Variants in KPNA7 observed in about 807,000 individuals in gnomAD.
KPNA7 encodes the protein karyopherin subunit alpha 7.
In KPNA7, 54 loss-of-function variants were observed where a neutral mutation model predicts 53.7. The observed-to-expected ratio is 1.01, with a 90% CI of 0.81 to 1.26. KPNA7 has a LOEUF of 1.26. Ranked by LOEUF, KPNA7 falls within the 50% of genes most tolerant of loss-of-function variation. KPNA7 has a pLI of 0.00. For synonymous variants in KPNA7, 276 were observed against 259.3 expected, an observed-to-expected ratio of 1.06 and a Z score of -0.62; for missense variants, 640 against 644.5, an observed-to-expected ratio of 0.99 and a Z score of 0.07.
chr7:99,169,807 G>A (rs540461211), downstream of KPNA7, among the ~76,000 whole-genome samples: 5 of 152,094 alleles, frequency 3.3e-5, no homozygotes, highest in East Asian at 3.9e-4. Context: ...TTGGGAGGCC[G>A]AGGTGGGCGG....
the KPNA7 span, among the ~76,000 whole-genome samples, chr7:99,168,407 C>G: frequency 6.6e-6 from 1 of 152,176 alleles, no homozygotes; most frequent in African/African-American, 2.4e-5. Context: ...GCAAAACCCC[C>G]CTCCCCTCCC....
chr7:99,179,968 C>T (rs910762727), intron 9 of KPNA7, among the ~76,000 whole-genome samples: 1 of 152,168 alleles, frequency 6.6e-6, no homozygotes, highest in Non-Finnish European at 1.5e-5. Context: ...TGCTCAAACC[C>T]TGTGTAGTTC....
chr7:99,206,270 C>T (rs1220379726), intron 2 of KPNA7, among the ~76,000 whole-genome samples: 4 of 152,114 alleles, frequency 2.6e-5, no homozygotes, highest in Non-Finnish European at 4.4e-5. Context: ...AAGCAGTTCT[C>T]CTGCTTCAGC....
At chr7:99,207,718 C>G (rs1215737442) in intron 1 of KPNA7, among the ~76,000 whole-genome samples, 3 of 147,564 alleles carry the variant, frequency 2.0e-5, no homozygotes, top group African/African-American at 5.1e-5. Flanking sequence ...TCACTGCAAC[C>G]TCCGCCTCCC....
the KPNA7 span, among the ~76,000 whole-genome samples, chr7:99,159,447 C>G: frequency 6.7e-6 from 1 of 150,276 alleles, no homozygotes; most frequent in Non-Finnish European, 1.5e-5. Context: ...GGGGATGTAA[C>G]AGCTTTTTGT....
chr7:99,160,278 G>A, the KPNA7 span, among the ~76,000 whole-genome samples: 191 of 152,000 alleles, frequency 1.3e-3, 1 homozygote, highest in Middle Eastern at 3.4e-3. Flanking sequence ...CGCCCGCCTC[G>A]GCCTCCCAAA....
intron 10 of KPNA7, among the ~76,000 whole-genome samples, chr7:99,176,700 C>T (rs999617488): frequency 6.6e-6 from 1 of 151,704 alleles, no homozygotes; most frequent in Non-Finnish European, 1.5e-5. Flanking sequence ...CATGGTGAAA[C>T]CCCATCTCTA....
Position 99,185,138 on chromosome 7 carries a change from T to TC in KPNA7, c.924dup (p.Asn309GlufsTer8). ...TGCTCATCTGTGCCCGTGACAATGT[T>TC]CCCCACGGTGCGGAGAGAAGGAGTC... On this transcript the variant is annotated frameshift_variant, in exon 8 of 11. Coordinates refer to ENST00000327442, the MANE Select transcript of KPNA7 (RefSeq NM_001145715.3). LOFTEE classifies it high-confidence loss of function. 6.4e-7 allele frequency: 1 copy of TC among 1,552,024 alleles called. No homozygotes were observed.
upstream of KPNA7, among the ~76,000 whole-genome samples, chr7:99,212,829 T>G (rs1791111391): frequency 6.6e-6 from 1 of 152,032 alleles, no homozygotes; most frequent in Non-Finnish European, 1.5e-5. Flanking sequence ...AAATCAAGGC[T>G]GCAGTGAGCC....
In KPNA7 at chr7:99,181,797, AC is replaced by A; in HGVS notation, c.1317+85del. ...TCCACCTGTCTCAGCCTCCCAAAGT[AC>A]AACTTGAATTTTAAGAGCCACATTA... is the stretch of plus-strand genomic sequence containing the variant. On this transcript the variant is annotated intron_variant, in intron 9 of 10. Transcript: ENST00000327442. 4.1e-6 allele frequency: 5 copies of A among 1,213,926 alleles called. 1 individual carries two copies. In the South Asian group the frequency reaches 9.2e-5, roughly 22 times the overall value. The allele number at this position is 1,213,926 out of a possible 1,614,324, so 75.2% of individuals were successfully genotyped here. A position where few individuals can be genotyped will look rare whatever the true frequency, so the allele number is the denominator to read the frequency against.
chr7:99,193,123 A>G, intron 5 of KPNA7, 22 bp from the exon 6 acceptor site: 3 of 1,390,228 alleles, frequency 2.2e-6, no homozygotes, highest in Non-Finnish European at 1.9e-6. Flanking sequence ...GCAGAATGTG[A>G]CATTTAGAGA....
chr7:99,173,062 C>CAAAAAAAAAAAAA (rs923484332), downstream of KPNA7, among the ~76,000 whole-genome samples: 39 of 57,056 alleles, frequency 6.8e-4, no homozygotes, highest in African/African-American at 1.1e-3. Context: ...AACTCCATCT[C>CAAAAAAAAAAAAA]AAAAAAAAAA....
At chr7:99,170,514 TTTTTC>T (rs912682993), downstream of KPNA7, among the ~76,000 whole-genome samples, 1 of 152,068 alleles carries the variant, frequency 6.6e-6, no homozygotes, top group African/African-American at 2.4e-5. Flanking sequence ...TATTTTTTTC[TTTTTC>T]TTTTTAGAGA....
chr7:99,189,332 G>C (rs1370793053), intron 6 of KPNA7, among the ~76,000 whole-genome samples: 1 of 152,010 alleles, frequency 6.6e-6, no homozygotes, highest in Non-Finnish European at 1.5e-5. Flanking sequence ...TTGCTATGTT[G>C]CCCAGTCTGG....
chr7:99,155,661 A>G, the KPNA7 span, among the ~76,000 whole-genome samples: 1 of 151,998 alleles, frequency 6.6e-6, no homozygotes, highest in African/African-American at 2.4e-5. Flanking sequence ...CCTGGGCTCA[A>G]ATGATCCTCC....
At chr7:99,208,129 T>C (rs1790916039), upstream of KPNA7, among the ~76,000 whole-genome samples, 1 of 151,682 alleles carries the variant, frequency 6.6e-6, no homozygotes, top group African/African-American at 2.4e-5. Flanking sequence ...CGGGCTGGAG[T>C]GCATTGGCAC....
intron 8 of KPNA7, among the ~76,000 whole-genome samples, chr7:99,182,598 G>A (rs777166890): frequency 1.3e-5 from 2 of 152,114 alleles, no homozygotes; most frequent in Non-Finnish European, 2.9e-5. Context: ...GCCTCCCAAA[G>A]TGTTGGGATT....
chr7:99,169,232 G>A (rs1798728240), downstream of KPNA7, among the ~76,000 whole-genome samples: 1 of 152,176 alleles, frequency 6.6e-6, no homozygotes, highest in Non-Finnish European at 1.5e-5. Context: ...AAGCTTGGCA[G>A]GTCCCTGAGA....
In KPNA7 at chr7:99,185,154, A is replaced by T. The variant is rs1420517811; in HGVS notation, c.909T>A (p.Ser303=). The T allele has an allele frequency of 9.0e-6, 14 of 1,551,222 alleles. No individual in the cohort carries two copies. The highest frequency in any genetic ancestry group is 1.2e-5 in the Non-Finnish European group (14 of 1,146,366). The change falls in exon 8 of 11, where the codon TCT becomes TCA. Residue 303 remains serine, a synonymous_variant. Transcript: ENST00000327442. ...TSSELNVLTP[S]LRTVGNIVTG... is the part of the protein sequence containing the mutation. ...TGACAATGTTCCCCACGGTGCGGAG[A>T]GAAGGAGTCTGGAAGAGCAAGGCTA...
Sources: allele counts gnomAD v4.1 joint callset (sites outside exome capture counted in the v4.1 genomes callset), GRCh38; gene constraint gnomAD v4.1.1; transcripts MANE v1.5; gene names NCBI Gene and HGNC (gene_info 2026-07-23, HGNC 2026-07-21).